Variants in BRAP observed in about 807,000 individuals in gnomAD.
BRAP encodes the protein BRCA1 associated protein.
Under a neutral mutation model 73.4 loss-of-function variants are expected in BRAP, and 42 were observed. The observed-to-expected ratio is 0.57, with a 90% confidence interval of 0.45 to 0.74. The LOEUF (loss-of-function observed/expected upper bound fraction) is 0.74. Ranked by LOEUF, BRAP falls within the 30% of genes least tolerant of loss-of-function variation. The probability of loss-of-function intolerance (pLI) is 0.00; values close to 1 mark genes in which losing one functional copy is unlikely to be tolerated. For synonymous variants in BRAP, 255 were observed against 267.4 expected (o/e 0.95, Z 0.45); for missense variants, 593 against 751.4 (o/e 0.79, Z 2.46).
chr12:111,685,754 C>A lies in BRAP; in HGVS notation c.39G>T (p.Ala13=). ...AGCCGGCGGGGACAGGCGAGTGTTC[C>A]GCGAGCTCCAATCGGATAACAACCA... ...VSLVVIRLEL[A]EHSPVPAGFG... is the part of the protein sequence containing the mutation. Residue 13 remains alanine (A), a synonymous_variant, in exon 1 of 12, where the codon GCG becomes GCT. Transcript: ENST00000419234. 6.2e-7 allele frequency: 1 copy of A among 1,609,980 alleles called. No homozygotes were observed. Among genetic ancestry groups the A allele is most frequent in the Non-Finnish European group, 8.5e-7 (1 of 1,178,890 alleles).
chr12:111,679,102 C>G, intron 4 of BRAP, 49 bp downstream of exon 4: 2 of 1,348,812 alleles, frequency 1.5e-6, no homozygotes, highest in Non-Finnish European at 2.0e-6. Context: ...AGTTTGAATA[C>G]CACAGTTTCT....
At chr12:111,657,727 A>G (rs924015288) in intron 9 of BRAP, among the ~76,000 whole-genome samples, 1 of 151,942 alleles carries the variant, frequency 6.6e-6, no homozygotes, top group African/African-American at 2.4e-5. Context: ...AAAATACAAA[A>G]AATTAGCTGG....
chr12:111,647,033 G>A (rs903488856), intron 11 of BRAP, among the ~76,000 whole-genome samples: 2 of 152,130 alleles, frequency 1.3e-5, no homozygotes, highest in African/African-American at 4.8e-5. Flanking sequence ...GCCAAGACAG[G>A]ATCAAGGAGG....
intron 2 of BRAP, among the ~76,000 whole-genome samples, chr12:111,682,149 T>C (rs890296842): frequency 3.3e-5 from 5 of 152,072 alleles, no homozygotes; most frequent in African/African-American, 1.2e-4. Context: ...GCTACTAAGG[T>C]GGAAATCCAA....
chr12:111,666,398 C>A (rs1477330709), intron 5 of BRAP, among the ~76,000 whole-genome samples: 4 of 152,214 alleles, frequency 2.6e-5, no homozygotes, highest in African/African-American at 9.6e-5. Flanking sequence ...TTAACACTTT[C>A]TACTCAGTGA....
chr12:111,649,840 G>T, intron 11 of BRAP, 99 bp downstream of exon 11: 1 of 824,372 alleles, frequency 1.2e-6, no homozygotes, highest in South Asian at 1.8e-5. Context: ...CTGAAAACCT[G>T]GTGATACATA....
chr12:111,673,860 G>C (rs1887270640), intron 4 of BRAP, among the ~76,000 whole-genome samples: 1 of 152,200 alleles, frequency 6.6e-6, no homozygotes, highest in Non-Finnish European at 1.5e-5. Flanking sequence ...TCTATGAAAT[G>C]GACACAGGTA....
chr12:111,674,978 C>T (rs143785879), intron 4 of BRAP, among the ~76,000 whole-genome samples: 1 of 152,182 alleles, frequency 6.6e-6, no homozygotes, highest in Non-Finnish European at 1.5e-5. Context: ...AACGACCAGC[C>T]TCCTCTACAG....
At chr12:111,655,473 A>C (rs537299101) in intron 10 of BRAP, 93 bp downstream of exon 10, 81 of 1,004,500 alleles carry the variant, frequency 8.1e-5, no homozygotes, top group Non-Finnish European at 2.6e-5. Flanking sequence ...AGATGGTAAG[A>C]TTCCTCTTTC....
intron 11 of BRAP, among the ~76,000 whole-genome samples, chr12:111,646,848 A>G (rs1886129411): frequency 6.6e-6 from 1 of 152,252 alleles, no homozygotes; most frequent in Non-Finnish European, 1.5e-5. Context: ...TTTATACCAT[A>G]GAATAGATAT....
chr12:111,670,191 T>C (rs1375995112), intron 5 of BRAP: 3 of 612,540 alleles, frequency 4.9e-6, no homozygotes, highest in South Asian at 1.4e-5. Context: ...ACTGTAGGCT[T>C]TGTTGGGAGG....
intron 10 of BRAP, among the ~76,000 whole-genome samples, chr12:111,655,286 A>G (rs186712828): frequency 3.8e-4 from 58 of 150,782 alleles, no homozygotes; most frequent in African/African-American, 1.2e-3. Flanking sequence ...AGATACTTCT[A>G]TGTTTTTAGT....
Position 111,685,862 on chromosome 12 carries a change from G to C in BRAP, c.-70C>G, listed in dbSNP as rs1228890001. The C allele has an allele frequency of 1.7e-6, 2 of 1,193,122 alleles. No individual in the cohort carries two copies. Among genetic ancestry groups the C allele is most frequent in the Admixed American group, 4.2e-5 (1 of 24,082 alleles). 73.9% of individuals were successfully genotyped at this position (1,193,122 alleles called of 1,614,324 possible). ...GCTGGAAGGCGAGCCGAGAGGCCGA[G>C]CGGCCCGGGGCCGGCAGCGCCGCCA... On this transcript the variant is annotated 5_prime_UTR_variant, in exon 1 of 12. Coordinates refer to ENST00000419234, the MANE Select transcript of BRAP (RefSeq NM_006768.5).
rs1011811734 is a variant in BRAP, at chr12:111,643,657, C to G, written c.*542G>C. 1 of 152,406 alleles carries G rather than the reference C, an allele frequency of 6.6e-6. No homozygotes were observed. The highest frequency in any genetic ancestry group is 2.4e-5 in the African/African-American group (1 of 41,420). 9.4% of individuals were successfully genotyped at this position (152,406 alleles called of 1,614,324 possible). A position where few individuals can be genotyped will look rare whatever the true frequency, so the allele number is the denominator to read the frequency against. On this transcript the variant is annotated 3_prime_UTR_variant, in exon 12 of 12. Coordinates refer to ENST00000419234, the MANE Select transcript of BRAP (RefSeq NM_006768.5). ...TACTACCAGGCCTCTTTTCAGATAA[C>G]ATTCAAGCAATTCTTCCACTCCCCA...
At chr12:111,667,422 G>A (rs945813657) in intron 5 of BRAP, among the ~76,000 whole-genome samples, 10 of 152,004 alleles carry the variant, frequency 6.6e-5, no homozygotes, top group East Asian at 1.9e-4. Context: ...AAAAGATGCC[G>A]GGCGGGGTGG....
At chr12:111,649,704 A>G (rs1235176949) in intron 11 of BRAP, among the ~76,000 whole-genome samples, 2 of 152,258 alleles carry the variant, frequency 1.3e-5, no homozygotes, top group Non-Finnish European at 2.9e-5. Context: ...AAAATGGAAG[A>G]TATCTGCACA....
At chr12:111,669,560 A>G (rs915166767) in intron 5 of BRAP, among the ~76,000 whole-genome samples, 3 of 152,110 alleles carry the variant, frequency 2.0e-5, no homozygotes, top group Non-Finnish European at 2.9e-5. Context: ...AGTTGTCTCT[A>G]AAAATATATG....
chr12:111,645,586 A>G (rs1158577051), intron 11 of BRAP, among the ~76,000 whole-genome samples: 2 of 152,094 alleles, frequency 1.3e-5, no homozygotes, highest in African/African-American at 4.8e-5. Context: ...GCTGAAGGGG[A>G]AAAAAAGGGC....
intron 11 of BRAP, among the ~76,000 whole-genome samples, chr12:111,645,596 C>T (rs115039455): frequency 0.015 from 2,326 of 152,174 alleles, 65 homozygotes; most frequent in African/African-American, 0.052. Flanking sequence ...AAAAAAAGGG[C>T]ACTTATTCTA....
Sources: gnomAD v4.1 joint callset for allele counts (sites outside exome capture counted in the v4.1 genomes callset) on GRCh38, gnomAD v4.1.1 for gene constraint, MANE v1.5 for transcripts, NCBI Gene and HGNC (gene_info 2026-07-23, HGNC 2026-07-21) for gene names.